MTUS2: variants seen among roughly 807,000 people sequenced by gnomAD.
MTUS2 encodes the protein microtubule associated scaffold protein 2.
Under a neutral mutation model 114.1 loss-of-function variants are expected in MTUS2, and 40 were observed. The ratio of observed to expected loss-of-function variants is 0.35; its 90% CI spans 0.27 to 0.46. The LOEUF is 0.46. Ranked by LOEUF, MTUS2 falls within the 20% of genes least tolerant of loss-of-function variation. The pLI, the probability that MTUS2 is intolerant of heterozygous loss-of-function variation, is 1.00. For synonymous variants in MTUS2, 688 were observed against 672.0 expected, an observed-to-expected ratio of 1.02 and a Z score of -0.37; for missense variants, 1,679 against 1,705.4, an observed-to-expected ratio of 0.98 and a Z score of 0.27.
intron 5 of MTUS2, among the ~76,000 whole-genome samples, chr13:29,208,342 T>C (rs1355513902): frequency 6.6e-6 from 1 of 152,094 alleles, no homozygotes; most frequent in Non-Finnish European, 1.5e-5. Context: ...TTCCTCTTGC[T>C]AATGGTCTAT....
At chr13:29,027,889 T>A (rs1484959166) in intron 3 of MTUS2, among the ~76,000 whole-genome samples, 11 of 152,160 alleles carry the variant, frequency 7.2e-5, no homozygotes, top group Non-Finnish European at 2.9e-5. Flanking sequence ...CAGAGAGCTT[T>A]AAGTCACCCA....
rs376698099 is a variant in MTUS2 at position 29,033,961 on chromosome 13, G to A, written c.2282G>A (p.Arg761Gln). The A allele has an allele frequency of 5.0e-6, 8 of 1,613,690 alleles. No individual in the cohort carries two copies. The highest frequency in any genetic ancestry group is 4.0e-5 in the African/African-American group (3 of 74,832). The change falls in exon 4 of 16, where the codon CGG (arginine) becomes CAG (glutamine). Residue 761 changes from arginine to glutamine, a missense_variant. Transcript: ENST00000612955. The stretch of plus-strand genomic sequence containing the variant: ...TATGAAGTCCCTCCAACTTTCTATC[G>A]GTCAGCCATGCTCCTTAAGCCCCAG... ...AHYEVPPTFY[R>Q]SAMLLKPQLG...
intron 5 of MTUS2, among the ~76,000 whole-genome samples, chr13:29,135,029 T>G (rs1891920864): frequency 6.6e-6 from 1 of 152,234 alleles, no homozygotes; most frequent in East Asian, 1.9e-4. Flanking sequence ...AATGGACACT[T>G]TCAGAAATAA....
intron 5 of MTUS2, among the ~76,000 whole-genome samples, chr13:29,218,386 C>T (rs1356332694): frequency 6.6e-6 from 1 of 152,214 alleles, no homozygotes; most frequent in Non-Finnish European, 1.5e-5. Flanking sequence ...CCTCAAAGTC[C>T]TCTATGTGGG....
At chr13:29,322,229 G>C (rs1900284023) in intron 6 of MTUS2, among the ~76,000 whole-genome samples, 2 of 152,218 alleles carry the variant, frequency 1.3e-5, no homozygotes, top group Admixed American at 6.5e-5. Flanking sequence ...TAGGTTTAGT[G>C]CAGATTTGGG....
rs1316976209 is a variant in MTUS2, at chr13:29,480,634, C to A, written c.3399+270C>A. On this transcript the variant is annotated intron_variant, in intron 10 of 15. Coordinates refer to ENST00000612955, the MANE Select transcript of MTUS2 (RefSeq NM_001033602.4). This position sits in a 1 kb window ranked among gnomAD's most constrained non-coding sequence, Gnocchi z 4.4. Reference sequence around the variant, plus strand: ...CAGTGCATGGCTGCCTCTTGCCCTCCCTTCCAGACTTTTCTCTGTCACCTT... The same window carrying A: ...CAGTGCATGGCTGCCTCTTGCCCTCACTTCCAGACTTTTCTCTGTCACCTT... 1.3e-5 allele frequency among the ~76,000 whole-genome samples: 2 copies of A among 152,162 alleles called. No homozygotes were observed. Among genetic ancestry groups the A allele is most frequent in the African/African-American group, 4.8e-5 (2 of 41,428 alleles).
Position 29,451,261 on chromosome 13 carries a change from A to G in MTUS2, c.3184+11212A>G, listed in dbSNP as rs548415946. Among the ~76,000 whole-genome samples, 257 of 152,380 alleles carry G rather than the reference A, an allele frequency of 1.7e-3. 1 individual carries two copies. Among genetic ancestry groups the G allele is most frequent in the African/African-American group, 6.0e-3 (248 of 41,586 alleles). ...AATGTTTTGAACTATAATATAGTCTATAAATCAATAACATAAAAATATCTG... is the reference window on the plus strand; with the variant it reads ...AATGTTTTGAACTATAATATAGTCTGTAAATCAATAACATAAAAATATCTG... On this transcript the variant is annotated intron_variant, in intron 9 of 15. Transcript: ENST00000612955.
chr13:28,979,468 A>C (rs1009124231), intron 2 of MTUS2, among the ~76,000 whole-genome samples: 1 of 152,370 alleles, frequency 6.6e-6, no homozygotes, highest in East Asian at 1.9e-4. Context: ...TTTAAGGTGT[A>C]GAAATCCAGC....
At chr13:29,458,104 T>C (rs1296842801) in intron 9 of MTUS2, among the ~76,000 whole-genome samples, 1 of 152,184 alleles carries the variant, frequency 6.6e-6, no homozygotes, top group Non-Finnish European at 1.5e-5. Flanking sequence ...TTGTGAAGCA[T>C]CTGTGGCCCA....
intron 9 of MTUS2, among the ~76,000 whole-genome samples, chr13:29,478,028 TAAG>T (rs1880834397): frequency 1.3e-5 from 2 of 152,216 alleles, no homozygotes; most frequent in African/African-American, 4.8e-5. Flanking sequence ...CTCAATGGGA[TAAG>T]AAGAAAACAT....
intron 2 of MTUS2, among the ~76,000 whole-genome samples, chr13:28,982,356 AAAG>A (rs1298795235): frequency 1.7e-4 from 26 of 151,424 alleles, no homozygotes; most frequent in African/African-American, 3.7e-4. Flanking sequence ...TAAAAAAAAA[AAAG>A]AAAATAGCAA....
At chr13:29,070,818 A>AT (rs1385096986) in intron 4 of MTUS2, among the ~76,000 whole-genome samples, 1 of 152,024 alleles carries the variant, frequency 6.6e-6, no homozygotes, top group Non-Finnish European at 1.5e-5. Context: ...TCATAAAGTG[A>AT]TTACCTGTAT....
At chr13:29,349,342 T>C (rs1869022498) in intron 7 of MTUS2, among the ~76,000 whole-genome samples, 1 of 152,184 alleles carries the variant, frequency 6.6e-6, no homozygotes, top group African/African-American at 2.4e-5. Flanking sequence ...TGTGCTATTG[T>C]GATTATATAT....
chr13:28,927,324 T>C (rs1347493057), intron 2 of MTUS2, among the ~76,000 whole-genome samples: 1 of 151,948 alleles, frequency 6.6e-6, no homozygotes, highest in African/African-American at 2.4e-5. Flanking sequence ...GGAAGAATCA[T>C]TTGAGGTTGA....
intron 5 of MTUS2, among the ~76,000 whole-genome samples, chr13:29,215,768 C>T (rs1259655219): frequency 6.6e-6 from 1 of 152,146 alleles, no homozygotes; most frequent in Non-Finnish European, 1.5e-5. Flanking sequence ...CAGAGGGGCA[C>T]CTGCCACATG....
chr13:29,181,646 C>G (rs1330709889), intron 5 of MTUS2, among the ~76,000 whole-genome samples: 2 of 151,874 alleles, frequency 1.3e-5, no homozygotes, highest in African/African-American at 4.9e-5. Context: ...CAAACTTTTA[C>G]TCGGTTACCA....
intron 5 of MTUS2, among the ~76,000 whole-genome samples, chr13:29,256,908 A>G (rs963698573): frequency 2.0e-5 from 3 of 152,252 alleles, no homozygotes; most frequent in African/African-American, 7.2e-5. Flanking sequence ...TGTCAACAGT[A>G]GAATCAGCTC....
At chr13:29,329,432 T>C (rs1429794115) in intron 7 of MTUS2, among the ~76,000 whole-genome samples, 1 of 152,092 alleles carries the variant, frequency 6.6e-6, no homozygotes, top group Admixed American at 6.6e-5. Context: ...AGAATGATGG[T>C]TTCCAGCTCC....
At chr13:29,307,002 C>A in intron 6 of MTUS2, 1 of 541,886 alleles carries the variant, frequency 1.8e-6, no homozygotes, top group Non-Finnish European at 3.6e-6. Context: ...ATCTCATCAC[C>A]ATCTTCCAGG....
Sources: allele counts gnomAD v4.1 joint callset (sites outside exome capture counted in the v4.1 genomes callset), GRCh38; gene constraint gnomAD v4.1.1; non-coding constraint Gnocchi (gnomAD v3.1); transcripts MANE v1.5; gene names NCBI Gene and HGNC (gene_info 2026-07-23, HGNC 2026-07-21).